PPARGC1A: variants seen among roughly 807,000 people sequenced by gnomAD.
The protein encoded by PPARGC1A is peroxisome proliferator-activated receptor gamma coactivator 1-alpha.
Under a neutral mutation model 88.7 loss-of-function variants are expected in PPARGC1A, and 25 were observed. The observed-to-expected ratio is 0.28, with a 90% CI of 0.21 to 0.39. PPARGC1A has a LOEUF of 0.39. Among genes scored for constraint, PPARGC1A ranks in the 10% least tolerant of loss-of-function variants. The pLI is 1.00. For missense variants in PPARGC1A, 880 were observed against 968.7 expected (o/e 0.91, Z 1.22); for synonymous variants, 363 against 355.6 (o/e 1.02, Z -0.24).
At chr4:23,880,214 CTTGTATAT>C (rs1715653437) in intron 2 of PPARGC1A, among the ~76,000 whole-genome samples, 2 of 152,144 alleles carry the variant, frequency 1.3e-5, no homozygotes, top group African/African-American at 4.8e-5. Flanking sequence ...TATGCATATA[CTTGTATAT>C]TTGTATACAC....
Position 23,844,628 on chromosome 4 carries a change from TATA to T in PPARGC1A, c.235-12880_235-12878del, listed in dbSNP as rs1203011173. ...TATATAGTAATATATTATATTAATA[TATA>T]ATAATATATATCATATTATATGATA... On this transcript the variant is annotated intron_variant, in intron 2 of 12. Coordinates refer to ENST00000264867, the MANE Select transcript of PPARGC1A (RefSeq NM_013261.5). Among the ~76,000 whole-genome samples, 114 of 56,802 alleles carry T rather than the reference TATA, an allele frequency of 2.0e-3. 1 individual carries two copies. Among genetic ancestry groups the T allele is most frequent in the African/African-American group, 5.9e-3 (68 of 11,610 alleles). 37.3% of individuals were successfully genotyped at this position (56,802 alleles called of 152,430 possible).
At chr4:24,454,535 A>C in the PPARGC1A span, among the ~76,000 whole-genome samples, 1 of 151,762 alleles carries the variant, frequency 6.6e-6, no homozygotes, top group Admixed American at 6.6e-5. Flanking sequence ...CAGGAGTTGC[A>C]CTCCAGCCTG....
At chr4:24,452,036 G>A in the PPARGC1A span, among the ~76,000 whole-genome samples, 5 of 151,972 alleles carry the variant, frequency 3.3e-5, no homozygotes, top group Non-Finnish European at 7.4e-5. Flanking sequence ...AGTGTGGGTG[G>A]GCCTCATCTA....
At chr4:24,222,657 G>A in the PPARGC1A span, among the ~76,000 whole-genome samples, 1 of 152,072 alleles carries the variant, frequency 6.6e-6, no homozygotes, top group Non-Finnish European at 1.5e-5. Context: ...AAGGTCCTAG[G>A]GAAATGGCAA....
chr4:23,966,296 T>C, the PPARGC1A span, among the ~76,000 whole-genome samples: 2 of 152,170 alleles, frequency 1.3e-5, no homozygotes, highest in Non-Finnish European at 2.9e-5. Flanking sequence ...ATCATGGAAA[T>C]GTTCTGTATC....
the PPARGC1A span, among the ~76,000 whole-genome samples, chr4:24,439,543 T>G: frequency 1.3e-5 from 2 of 152,302 alleles, no homozygotes; most frequent in East Asian, 3.9e-4. Flanking sequence ...ATTTATAATG[T>G]TTAACTGGTA....
At chr4:24,307,399 T>A in the PPARGC1A span, among the ~76,000 whole-genome samples, 1 of 152,246 alleles carries the variant, frequency 6.6e-6, no homozygotes, top group Admixed American at 6.5e-5. Context: ...CAATGTATAT[T>A]ACTATTATAA....
At chr4:23,886,545 C>A (rs948401945) in intron 1 of PPARGC1A, among the ~76,000 whole-genome samples, 16 of 152,126 alleles carry the variant, frequency 1.1e-4, no homozygotes, top group African/African-American at 3.9e-4. Flanking sequence ...CCCTCCTCAC[C>A]ATCAAAACTC....
the PPARGC1A span, among the ~76,000 whole-genome samples, chr4:24,057,802 A>G: frequency 6.6e-6 from 1 of 152,218 alleles, no homozygotes; most frequent in Non-Finnish European, 1.5e-5. Context: ...TAGCGAGCTG[A>G]GTAGGCCCAG....
chr4:24,102,876 C>G, the PPARGC1A span, among the ~76,000 whole-genome samples: 1 of 152,160 alleles, frequency 6.6e-6, no homozygotes, highest in Non-Finnish European at 1.5e-5. Context: ...AGGCTGCCAT[C>G]CCACTGAAAA....
chr4:24,178,926 TTTTG>T, the PPARGC1A span, among the ~76,000 whole-genome samples: 55 of 152,296 alleles, frequency 3.6e-4, 1 homozygote, highest in East Asian at 9.8e-3. Context: ...TGTCCTTTGT[TTTTG>T]TTTCTTTTTT....
chr4:23,959,797 C>T, the PPARGC1A span, among the ~76,000 whole-genome samples: 4 of 152,012 alleles, frequency 2.6e-5, no homozygotes, highest in East Asian at 5.8e-4. Context: ...TCATATTAGC[C>T]GGGAAGGTAA....
At chr4:24,316,553 G>C in the PPARGC1A span, among the ~76,000 whole-genome samples, 5 of 152,096 alleles carry the variant, frequency 3.3e-5, no homozygotes, top group African/African-American at 1.2e-4. Context: ...CTCCACATTA[G>C]CTTTATAATC....
chr4:24,328,006 G>C, the PPARGC1A span, among the ~76,000 whole-genome samples: 2 of 152,046 alleles, frequency 1.3e-5, no homozygotes, highest in Non-Finnish European at 2.9e-5. Flanking sequence ...TGAGCACCTT[G>C]TGACCCCTGC....
the PPARGC1A span, among the ~76,000 whole-genome samples, chr4:24,225,436 GC>G: frequency 2.0e-5 from 3 of 152,156 alleles, no homozygotes; most frequent in South Asian, 6.2e-4. Context: ...GGGCGTGGTG[GC>G]AGGCGCCTGT....
At chr4:24,245,485 C>CT in the PPARGC1A span, among the ~76,000 whole-genome samples, 1 of 152,244 alleles carries the variant, frequency 6.6e-6, no homozygotes, top group African/African-American at 2.4e-5. Flanking sequence ...TTTCCATCAT[C>CT]TTTTTGATTA....
the PPARGC1A span, among the ~76,000 whole-genome samples, chr4:24,204,532 G>A: frequency 1.4e-4 from 21 of 152,110 alleles, 1 homozygote; most frequent in African/African-American, 4.8e-4. Flanking sequence ...GGAAGGGAAG[G>A]GAAATTCTTT....
chr4:24,427,545 T>C, the PPARGC1A span, among the ~76,000 whole-genome samples: 8 of 152,144 alleles, frequency 5.3e-5, no homozygotes, highest in East Asian at 1.6e-3. Flanking sequence ...TCCAGTTTGT[T>C]TTTTCAGGTG....
chr4:24,014,628 T>C, the PPARGC1A span, among the ~76,000 whole-genome samples: 5 of 152,172 alleles, frequency 3.3e-5, no homozygotes, highest in African/African-American at 7.2e-5. Context: ...TTCCTTGCAG[T>C]TGTAAAACTG....
Sources: gnomAD v4.1 joint callset for allele counts (sites outside exome capture counted in the v4.1 genomes callset) on GRCh38, gnomAD v4.1.1 for gene constraint, MANE v1.5 for transcripts, NCBI Gene and HGNC (gene_info 2026-07-23, HGNC 2026-07-21) for gene names.